CNBD1: variants seen among roughly 807,000 people sequenced by gnomAD.
CNBD1 encodes the protein cyclic nucleotide binding domain containing 1.
A neutral mutation model predicts 54.4 loss-of-function variants in CNBD1; 71 were observed. The ratio of observed to expected loss-of-function variants is 1.30; its 90% confidence interval spans 1.08 to 1.59. The LOEUF (loss-of-function observed/expected upper bound fraction) is 1.59. CNBD1 is among the 40% of genes most tolerant of loss of function. CNBD1 has a pLI of 0.00. For synonymous variants in CNBD1, 182 were observed against 170.7 expected, an observed-to-expected ratio of 1.07 and a Z score of -0.51; for missense variants, 659 against 518.0, an observed-to-expected ratio of 1.27 and a Z score of -2.64.
At chr8:86,939,525 A>G (rs988236886) in intron 3 of CNBD1, 71 bp from the exon 4 acceptor site, 11 of 1,069,902 alleles carry the variant, frequency 1.0e-5, no homozygotes, top group African/African-American at 3.2e-5. Flanking sequence ...CTCCTGCAAT[A>G]TAGTAAAAGT....
At chr8:86,899,253 G>C (rs1808896047) in intron 2 of CNBD1, among the ~76,000 whole-genome samples, 3 of 151,968 alleles carry the variant, frequency 2.0e-5, no homozygotes, top group Admixed American at 2.0e-4. Context: ...TCTAATATAC[G>C]ATATGAGGAT....
rs143002586 is a variant in CNBD1, at chr8:87,256,431, C to G, written c.771+19319C>G. On this transcript the variant is annotated intron_variant, in intron 6 of 10. Coordinates refer to ENST00000518476, the MANE Select transcript of CNBD1 (RefSeq NM_173538.3). Reference sequence around the variant, plus strand: ...GTATGTAAGTATTGAATCCAGGTGTCCTGGTTGGCTCTCCTATTGCCTAGC... The same window carrying G: ...GTATGTAAGTATTGAATCCAGGTGTGCTGGTTGGCTCTCCTATTGCCTAGC... Among the ~76,000 whole-genome samples the G allele has an allele frequency of 6.0e-4, 91 of 152,076 alleles. 1 individual carries two copies. Among genetic ancestry groups the G allele is most frequent in the Admixed American group, 1.0e-3 (16 of 15,266 alleles).
chr8:86,950,618 T>C (rs1454191423), intron 4 of CNBD1, among the ~76,000 whole-genome samples: 1 of 152,144 alleles, frequency 6.6e-6, no homozygotes, highest in Non-Finnish European at 1.5e-5. Context: ...TTTTAATGTG[T>C]CTTTGTCTGG....
intron 6 of CNBD1, among the ~76,000 whole-genome samples, chr8:87,258,067 T>C (rs1011561898): frequency 9.9e-5 from 15 of 152,162 alleles, no homozygotes; most frequent in Non-Finnish European, 4.4e-5. Flanking sequence ...GCTTCCCATG[T>C]AACTTAACTT....
chr8:86,934,356 A>C (rs1018510427), intron 3 of CNBD1, among the ~76,000 whole-genome samples: 2 of 152,186 alleles, frequency 1.3e-5, no homozygotes, highest in Admixed American at 6.5e-5. Flanking sequence ...ATTTTTGTAT[A>C]TTGAACTTTT....
intron 2 of CNBD1, among the ~76,000 whole-genome samples, chr8:87,426,568 C>G (rs1808054709): frequency 6.6e-6 from 1 of 152,172 alleles, no homozygotes; most frequent in Non-Finnish European, 1.5e-5. Flanking sequence ...TCCACTTTTA[C>G]TTTTTTATCA....
chr8:87,135,178 T>TA (rs1159093917), intron 4 of CNBD1, among the ~76,000 whole-genome samples: 1 of 152,036 alleles, frequency 6.6e-6, no homozygotes, highest in East Asian at 1.9e-4. Flanking sequence ...GAAGTTACAG[T>TA]AAAAGGTACA....
chr8:87,356,764 G>A (rs1810427565), intron 10 of CNBD1, among the ~76,000 whole-genome samples: 1 of 152,108 alleles, frequency 6.6e-6, no homozygotes, highest in Admixed American at 6.6e-5. Context: ...CTTGCTAGAG[G>A]GATTAGCTTG....
chr8:87,071,222 A>G (rs1030178687), intron 4 of CNBD1, among the ~76,000 whole-genome samples: 2 of 152,130 alleles, frequency 1.3e-5, no homozygotes, highest in Admixed American at 1.3e-4. Flanking sequence ...CAAGGTTTAT[A>G]AAATGAAAAT....
intron 4 of CNBD1, among the ~76,000 whole-genome samples, chr8:87,026,219 T>C (rs1411737857): frequency 6.6e-6 from 1 of 152,218 alleles, no homozygotes; most frequent in African/African-American, 2.4e-5. Context: ...TCTGTCTTTA[T>C]ACTGATAGCT....
At chr8:87,417,612 A>G (rs1807858285) in intron 2 of CNBD1, among the ~76,000 whole-genome samples, 1 of 149,498 alleles carries the variant, frequency 6.7e-6, no homozygotes, top group African/African-American at 2.6e-5. Flanking sequence ...AAATTTACAT[A>G]CACACAAAGC....
chr8:87,428,613 T>C (rs1163527408), exon 3 of CNBD1: 3 of 454,324 alleles, frequency 6.6e-6, no homozygotes, highest in Non-Finnish European at 1.3e-5. Flanking sequence ...ATCTGACAGA[T>C]GTAAGTAAAA....
chr8:87,150,033 CT>C (rs1243552867), intron 4 of CNBD1, among the ~76,000 whole-genome samples: 2 of 151,948 alleles, frequency 1.3e-5, no homozygotes, highest in African/African-American at 4.8e-5. Context: ...AAAACTTAGC[CT>C]GGCGTGGTGG....
intron 4 of CNBD1, among the ~76,000 whole-genome samples, chr8:86,954,154 C>T (rs1807698946): frequency 6.6e-6 from 1 of 152,132 alleles, no homozygotes; most frequent in Non-Finnish European, 1.5e-5. Context: ...ATTCACAAAG[C>T]AAACAAAAAT....
intron 4 of CNBD1, among the ~76,000 whole-genome samples, chr8:87,117,296 G>A (rs997122086): frequency 4.0e-5 from 6 of 151,752 alleles, no homozygotes; most frequent in African/African-American, 1.5e-4. Context: ...CTACTCAGGA[G>A]GCTGAGGGAC....
chr8:87,266,436 A>AAACTTT (rs71503464), intron 6 of CNBD1, among the ~76,000 whole-genome samples: 3 of 76,224 alleles, frequency 3.9e-5, no homozygotes, highest in South Asian at 3.8e-4. Flanking sequence ...AAAAAAAAAA[A>AAACTTT]TCTTTTTTTT....
chr8:87,137,146 AT>A (rs1309470085), intron 4 of CNBD1, among the ~76,000 whole-genome samples: 7 of 138,138 alleles, frequency 5.1e-5, no homozygotes, highest in Non-Finnish European at 9.2e-5. Context: ...TTATATATAT[AT>A]TTTTATTCTA....
chr8:87,290,877 GC>G (rs941818896), intron 8 of CNBD1, among the ~76,000 whole-genome samples: 1 of 152,058 alleles, frequency 6.6e-6, no homozygotes, highest in Admixed American at 6.6e-5. Context: ...GCTTTTGCTT[GC>G]TGGTTTCAAT....
Position 87,265,592 on chromosome 8 carries a change from T to C in CNBD1, c.772-19086T>C, listed in dbSNP as rs370479150. Among the ~76,000 whole-genome samples, 5 of 152,274 alleles carry C rather than the reference T, an allele frequency of 3.3e-5. No homozygotes were observed. The East Asian group carries it at 7.7e-4, about 23-fold the overall frequency. On this transcript the variant is annotated intron_variant, in intron 6 of 10. Transcript: ENST00000518476. The stretch of plus-strand genomic sequence containing the variant: ...AAATAATAGGAATTATCTGGGGACT[T>C]GATCAAATGAATGAAACTCTAGATT...
Sources: allele counts gnomAD v4.1 joint callset (sites outside exome capture counted in the v4.1 genomes callset), GRCh38; gene constraint gnomAD v4.1.1; transcripts MANE v1.5; gene names NCBI Gene and HGNC (gene_info 2026-07-23, HGNC 2026-07-21).